The following DMD variants were observed in gnomAD, a reference collection of about 807,000 sequenced individuals.
DMD encodes the protein dystrophin.
A neutral mutation model predicts 330.1 loss-of-function variants in DMD; 63 were observed. That is an observed-to-expected ratio of 0.19 (90% CI 0.16 to 0.24). The LOEUF is 0.24. Among genes scored for constraint, DMD ranks in the 10% least tolerant of loss-of-function variants. The pLI, the probability that DMD is intolerant of heterozygous loss-of-function variation, is 1.00. For synonymous variants in DMD, 1,223 were observed against 959.8 expected (o/e 1.27, Z -5.07); for missense variants, 3,344 against 2,684.1 (o/e 1.25, Z -5.43).
chrX:32,296,393 A>G (rs1448706711), intron 42 of DMD, among the ~76,000 whole-genome samples: 1 of 111,030 alleles, frequency 9.0e-6, no homozygotes, highest in Non-Finnish European at 1.9e-5. Flanking sequence ...CTCTGTCTCA[A>G]TAAACAATTA....
chrX:32,061,419 G>A (rs1490395162), intron 44 of DMD, among the ~76,000 whole-genome samples: 1 of 111,132 alleles, frequency 9.0e-6, no homozygotes, highest in African/African-American at 3.3e-5. Flanking sequence ...TACTGAGCAG[G>A]CCATTCATCG....
chrX:31,463,947 T>C (rs149096053), intron 59 of DMD, among the ~76,000 whole-genome samples: 1,985 of 111,828 alleles, frequency 0.018, 45 homozygotes, highest in African/African-American at 0.061. Context: ...ATGAGTGCAT[T>C]TGTATATCCT....
chrX:33,013,823 G>GTT (rs1456159620), intron 2 of DMD, among the ~76,000 whole-genome samples: 2 of 111,908 alleles, frequency 1.8e-5, no homozygotes, highest in East Asian at 5.7e-4. Context: ...ATATGTATGT[G>GTT]TGTGTGTGTG....
At chrX:31,734,224 A>T (rs547905261) in intron 51 of DMD, among the ~76,000 whole-genome samples, 44 of 106,903 alleles carry the variant, frequency 4.1e-4, no homozygotes, top group Admixed American at 3.1e-3. Flanking sequence ...TTATATATAT[A>T]TATTTTTTTT....
intron 55 of DMD, among the ~76,000 whole-genome samples, chrX:31,586,186 C>T (rs917887831): frequency 2.7e-5 from 3 of 110,969 alleles, no homozygotes; most frequent in Admixed American, 1.9e-4. Context: ...ACAACTATGT[C>T]GGGGGAAAAA....
chrX:32,398,004 T>A (rs2098057847), intron 30 of DMD, among the ~76,000 whole-genome samples: 1 of 111,102 alleles, frequency 9.0e-6, no homozygotes, highest in East Asian at 2.8e-4. Flanking sequence ...GATTAGTAAT[T>A]TTGAAAGAGC....
At chrX:31,521,421 C>T (rs1347798519) in intron 55 of DMD, among the ~76,000 whole-genome samples, 1 of 111,945 alleles carries the variant, frequency 8.9e-6, no homozygotes, top group Admixed American at 9.5e-5. Flanking sequence ...CCTCAGCTTC[C>T]CAAAGTGCTG....
chrX:32,197,005 AC>A (rs1298232304), intron 44 of DMD, among the ~76,000 whole-genome samples: 11 of 94,875 alleles, frequency 1.2e-4, no homozygotes, highest in Non-Finnish European at 1.7e-4. Flanking sequence ...AAAAAAAAAA[AC>A]AAAAACAAAA....
Position 32,054,088 on chromosome X carries a change from T to TGAGAGAGA in DMD, c.6439-85582_6439-85575dup, listed in dbSNP as rs751524877. On this transcript the variant is annotated intron_variant, in intron 44 of 78. Coordinates refer to ENST00000357033, the MANE Select transcript of DMD (RefSeq NM_004006.3). ...TGTGGGGTATGTGTGTGTGTGTGTGTGAGAGAGAGAGAGAGAGAGAGAGAG... is the reference window on the plus strand; with the variant it reads ...TGTGGGGTATGTGTGTGTGTGTGTGTGAGAGAGAGAGAGAGAGAGAGAGAGAGAGAGAG... Among the ~76,000 whole-genome samples, 103 of 69,555 alleles carry TGAGAGAGA rather than the reference T, an allele frequency of 1.5e-3. 1 individual carries two copies. The highest frequency in any genetic ancestry group is 2.1e-3 in the Non-Finnish European group (79 of 37,661). The allele number at this position is 69,555 out of a possible 115,157, so 60.4% of individuals were successfully genotyped here.
rs1281411581 is a variant in DMD, at chrX:32,257,499, GA to G, written c.6290+30029del. The stretch of plus-strand genomic sequence containing the variant: ...GACCAATGGAACAGAACAGAGGCCA[GA>G]AAAATAATGCCACACATCTACAACC... On this transcript the variant is annotated intron_variant, in intron 43 of 78. Coordinates refer to ENST00000357033, the MANE Select transcript of DMD (RefSeq NM_004006.3). Among the ~76,000 whole-genome samples the G allele has an allele frequency of 3.6e-5, 4 of 111,316 alleles. No individual in the cohort carries two copies. In the East Asian group the frequency reaches 1.1e-3, roughly 31 times the overall value.
intron 9 of DMD, among the ~76,000 whole-genome samples, chrX:32,684,694 A>AT (rs753763977): frequency 8.9e-4 from 99 of 110,945 alleles, no homozygotes; most frequent in African/African-American, 3.0e-3. Context: ...TTTATATTAT[A>AT]TTTTTTTATT....
intron 44 of DMD, among the ~76,000 whole-genome samples, chrX:32,156,855 G>C (rs941558389): frequency 1.7e-4 from 19 of 111,397 alleles, no homozygotes; most frequent in Non-Finnish European, 2.8e-4. Context: ...ATGGAACCAA[G>C]CCCAGAGGTT....
chrX:32,772,333 C>T (rs1444235455), intron 7 of DMD, among the ~76,000 whole-genome samples: 1 of 112,726 alleles, frequency 8.9e-6, no homozygotes, highest in African/African-American at 3.2e-5. Context: ...TTCTACATCT[C>T]CCTTTCCTAA....
At chrX:32,349,527 C>T (rs1297686146) in intron 37 of DMD, among the ~76,000 whole-genome samples, 2 of 111,440 alleles carry the variant, frequency 1.8e-5, no homozygotes, top group African/African-American at 6.5e-5. Flanking sequence ...TTACATTCAT[C>T]AAGTTTGGTC....
intron 2 of DMD, among the ~76,000 whole-genome samples, chrX:32,971,882 G>C (rs1238696499): frequency 9.0e-6 from 1 of 111,143 alleles, no homozygotes; most frequent in Admixed American, 9.6e-5. Flanking sequence ...ACAGAGGTTT[G>C]AGATTCACAA....
At chrX:33,090,125 TC>T (rs989627468) in intron 1 of DMD, among the ~76,000 whole-genome samples, 1 of 111,153 alleles carries the variant, frequency 9.0e-6, no homozygotes, top group Admixed American at 9.7e-5. Context: ...TGATTTTTTT[TC>T]AGTCAATCTA....
chrX:32,916,920 T>C (rs1040181161), intron 2 of DMD, among the ~76,000 whole-genome samples: 4 of 111,824 alleles, frequency 3.6e-5, no homozygotes, highest in Non-Finnish European at 7.5e-5. Flanking sequence ...ATTGAGATGA[T>C]GGATATCCCA....
At chrX:32,296,812 G>T (rs2097498619) in intron 42 of DMD, among the ~76,000 whole-genome samples, 1 of 111,462 alleles carries the variant, frequency 9.0e-6, no homozygotes, top group Non-Finnish European at 1.9e-5. Flanking sequence ...TTGTTTCAGG[G>T]CATTTTCCCC....
chrX:31,288,421 A>G (rs2053398867), intron 62 of DMD, among the ~76,000 whole-genome samples: 1 of 111,873 alleles, frequency 8.9e-6, no homozygotes, highest in Admixed American at 9.5e-5. Flanking sequence ...AGGCACATCC[A>G]GGAGTAAGAA....
Sources: gnomAD v4.1 joint callset for allele counts (sites outside exome capture counted in the v4.1 genomes callset) on GRCh38, gnomAD v4.1.1 for gene constraint, MANE v1.5 for transcripts, NCBI Gene and HGNC (gene_info 2026-07-23, HGNC 2026-07-21) for gene names.